The following KIAA1958 variants were observed in gnomAD, a reference collection of about 807,000 sequenced individuals.
The protein encoded by KIAA1958 is KIAA1958, also known as uncharacterized protein KIAA1958.
In KIAA1958, 14 loss-of-function variants were observed where a neutral mutation model predicts 47.2. That is an observed-to-expected ratio of 0.30 (90% CI 0.20 to 0.46). The LOEUF (loss-of-function observed/expected upper bound fraction) is 0.46. Ranked by LOEUF, KIAA1958 falls within the 20% of genes least tolerant of loss-of-function variation. The pLI, the probability that KIAA1958 is intolerant of heterozygous loss-of-function variation, is 1.00. For missense variants in KIAA1958, 803 were observed against 909.2 expected (o/e 0.88, Z 1.50); for synonymous variants, 354 against 353.3 (o/e 1.00, Z -0.02).
At chr9:112,543,228 T>TG (rs1196270581) in intron 1 of KIAA1958, among the ~76,000 whole-genome samples, 3 of 151,098 alleles carry the variant, frequency 2.0e-5, no homozygotes, top group Non-Finnish European at 4.4e-5. Context: ...TTGTTGTTGT[T>TG]GTTTGTTTGT....
At chr9:112,575,812 C>G (rs1018421896) in intron 2 of KIAA1958, among the ~76,000 whole-genome samples, 8 of 152,256 alleles carry the variant, frequency 5.3e-5, no homozygotes, top group African/African-American at 1.7e-4. Flanking sequence ...TGGAAACTTG[C>G]ATTTCTGGAA....
At chr9:112,606,595 A>G (rs1002882072) in intron 2 of KIAA1958, among the ~76,000 whole-genome samples, 2 of 152,208 alleles carry the variant, frequency 1.3e-5, no homozygotes, top group African/African-American at 2.4e-5. Flanking sequence ...TTTTTATAGT[A>G]TATCTTCTTT....
chr9:112,614,418 A>G (rs1489565949), intron 2 of KIAA1958, among the ~76,000 whole-genome samples: 1 of 152,252 alleles, frequency 6.6e-6, no homozygotes, highest in African/African-American at 2.4e-5. Flanking sequence ...TGTTACACCT[A>G]TTAAAAAGAT....
intron 1 of KIAA1958, among the ~76,000 whole-genome samples, chr9:112,570,034 T>C (rs1835506699): frequency 6.6e-6 from 1 of 152,242 alleles, no homozygotes; most frequent in Admixed American, 6.5e-5. Context: ...ATATAGTTGA[T>C]AAACAGTGGG....
In KIAA1958 at chr9:112,661,665, T is replaced by C. The variant is rs767364264; in HGVS notation, c.*1596T>C. ...CAACCAATGCTGCCTTAAGATTTAA[T>C]GTTATTCCCTTTTTAGTCACTGTGC... On this transcript the variant is annotated 3_prime_UTR_variant, in exon 4 of 4. Coordinates refer to ENST00000337530, the MANE Select transcript of KIAA1958 (RefSeq NM_133465.4). 1.3e-5 allele frequency: 2 copies of C among 152,240 alleles called. No individual in the cohort carries two copies. The highest frequency in any genetic ancestry group is 1.3e-4 in the Admixed American group (2 of 15,288). The allele number at this position is 152,240 out of a possible 1,614,324, so 9.4% of individuals were successfully genotyped here.
At chr9:112,545,607 C>A (rs1251088843) in intron 1 of KIAA1958, among the ~76,000 whole-genome samples, 1 of 152,010 alleles carries the variant, frequency 6.6e-6, no homozygotes, top group Non-Finnish European at 1.5e-5. Context: ...TGCTATCATC[C>A]CTTTGAAACA....
intron 1 of KIAA1958, among the ~76,000 whole-genome samples, chr9:112,573,562 C>A (rs924556623): frequency 6.6e-6 from 1 of 152,178 alleles, no homozygotes; most frequent in African/African-American, 2.4e-5. Flanking sequence ...GACCTCCGTC[C>A]TAAGATGGAT....
chr9:112,555,430 G>A (rs1013661732), intron 1 of KIAA1958, among the ~76,000 whole-genome samples: 1 of 152,158 alleles, frequency 6.6e-6, no homozygotes, highest in Non-Finnish European at 1.5e-5. Flanking sequence ...CTCCTGCCTT[G>A]ATAAATGCCT....
intron 1 of KIAA1958, among the ~76,000 whole-genome samples, chr9:112,556,744 G>C (rs910380146): frequency 9.2e-5 from 14 of 152,212 alleles, no homozygotes; most frequent in African/African-American, 3.1e-4. Flanking sequence ...TCTAGGGAGT[G>C]TTGCAGTTGG....
intron 1 of KIAA1958, among the ~76,000 whole-genome samples, chr9:112,553,140 C>T: frequency 6.9e-6 from 1 of 143,938 alleles, no homozygotes; most frequent in Admixed American, 6.9e-5. Context: ...CCCTCCCCTC[C>T]CCTCTGCTCC....
chr9:112,558,731 A>G (rs781598542), intron 1 of KIAA1958, among the ~76,000 whole-genome samples: 9 of 152,198 alleles, frequency 5.9e-5, no homozygotes, highest in Non-Finnish European at 1.0e-4. Flanking sequence ...CACCATCCAC[A>G]TACCTAAAAA....
chr9:112,542,442 A>AC (rs1834959936), intron 1 of KIAA1958, among the ~76,000 whole-genome samples: 1 of 152,150 alleles, frequency 6.6e-6, no homozygotes, highest in Non-Finnish European at 1.5e-5. Context: ...TTATAAAGAA[A>AC]ATATTCACAT....
At chr9:112,585,325 G>A (rs571578568) in intron 2 of KIAA1958, among the ~76,000 whole-genome samples, 3 of 152,222 alleles carry the variant, frequency 2.0e-5, no homozygotes, top group Non-Finnish European at 4.4e-5. Context: ...GATTTATGAA[G>A]AGTGGTTGAC....
intron 1 of KIAA1958, among the ~76,000 whole-genome samples, chr9:112,522,772 G>T (rs559376296): frequency 6.6e-6 from 1 of 152,324 alleles, no homozygotes; most frequent in East Asian, 1.9e-4. Context: ...TGGGCAAGAT[G>T]AATGTTCTAA....
intron 2 of KIAA1958, among the ~76,000 whole-genome samples, chr9:112,605,304 T>G (rs999765761): frequency 2.5e-4 from 38 of 152,224 alleles, no homozygotes; most frequent in African/African-American, 8.7e-4. Context: ...AAACTATGAT[T>G]TTTTGCTGGG....
At chr9:112,646,500 A>G (rs771647001) in intron 3 of KIAA1958, among the ~76,000 whole-genome samples, 2 of 152,238 alleles carry the variant, frequency 1.3e-5, no homozygotes, top group Non-Finnish European at 2.9e-5. Flanking sequence ...TAGGGAAATA[A>G]TTGGAAGTGA....
chr9:112,606,738 C>T (rs943353090), intron 2 of KIAA1958, among the ~76,000 whole-genome samples: 1 of 152,084 alleles, frequency 6.6e-6, no homozygotes, highest in Non-Finnish European at 1.5e-5. Context: ...GATGAACACC[C>T]AGATCTTCAG....
intron 2 of KIAA1958, among the ~76,000 whole-genome samples, chr9:112,620,569 A>G (rs1244064128): frequency 6.6e-6 from 1 of 152,226 alleles, no homozygotes; most frequent in Non-Finnish European, 1.5e-5. Flanking sequence ...GAAGTCAGCC[A>G]TGGACTTTGT....
intron 1 of KIAA1958, among the ~76,000 whole-genome samples, chr9:112,547,082 G>A (rs1339513753): frequency 1.3e-5 from 2 of 151,842 alleles, no homozygotes; most frequent in Non-Finnish European, 2.9e-5. Context: ...ACAGGCGCAT[G>A]CCACCACTCC....
Sources: allele counts gnomAD v4.1 joint callset (sites outside exome capture counted in the v4.1 genomes callset), GRCh38; gene constraint gnomAD v4.1.1; transcripts MANE v1.5; gene names NCBI Gene and HGNC (gene_info 2026-07-23, HGNC 2026-07-21).